ANKS1A: variants seen among roughly 807,000 people sequenced by gnomAD.
ANKS1A encodes the protein ankyrin repeat and SAM domain-containing protein 1A.
Under a neutral mutation model 120.3 loss-of-function variants are expected in ANKS1A, and 55 were observed. The observed-to-expected ratio is 0.46, with a 90% confidence interval of 0.37 to 0.57. ANKS1A has a LOEUF of 0.57. Among genes scored for constraint, ANKS1A ranks in the 20% least tolerant of loss-of-function variants. The pLI is 0.00. For missense variants in ANKS1A, 1,123 were observed against 1,480.3 expected (o/e 0.76, Z 3.96); for synonymous variants, 590 against 604.7 (o/e 0.98, Z 0.36).
chr6:35,038,527 G>A (rs1775295284), intron 11 of ANKS1A, among the ~76,000 whole-genome samples: 1 of 152,018 alleles, frequency 6.6e-6, no homozygotes, highest in Non-Finnish European at 1.5e-5. Flanking sequence ...TGTTGCCCAG[G>A]CTGGAGTGCA....
intron 1 of ANKS1A, among the ~76,000 whole-genome samples, chr6:34,943,093 A>G (rs1361505114): frequency 1.3e-5 from 2 of 151,992 alleles, no homozygotes; most frequent in Non-Finnish European, 2.9e-5. Context: ...TCGGCCTCCC[A>G]AGTAGCTAGG....
At position 35,079,885 on chromosome 6, in the gene ANKS1A, A is replaced by C; in HGVS notation, c.2501A>C (p.Tyr834Ser). 6.4e-7 allele frequency: 1 copy of C among 1,562,732 alleles called. No homozygotes were observed. Among genetic ancestry groups the C allele is most frequent in the Non-Finnish European group, 8.7e-7 (1 of 1,153,336 alleles). The part of the protein sequence containing the change: ...RIIASLADRP[Y>S]EEPPQKPPRF... ...ATCGCCTCCCTCGCAGACAGACCGT[A>C]CGAGGAGCCGCCCCAGAAGCCCCCC... is the stretch of plus-strand genomic sequence containing the variant. Residue 834 changes from tyrosine to serine, a missense_variant, in exon 16 of 24, where the codon TAC (tyrosine) becomes TCC (serine). Physicochemically the swap from Tyr to Ser is moderately radical, Grantham distance 144. Transcript: ENST00000360359.
chr6:34,989,341 C>T (rs1266228330), intron 9 of ANKS1A, 25 bp downstream of exon 9: 6 of 1,599,746 alleles, frequency 3.8e-6, no homozygotes, highest in Admixed American at 3.5e-5. Flanking sequence ...GTTTATTCCC[C>T]ATTGCTGAAA....
intron 8 of ANKS1A, among the ~76,000 whole-genome samples, chr6:34,986,135 A>G (rs1483557714): frequency 6.6e-6 from 1 of 152,246 alleles, no homozygotes; most frequent in Non-Finnish European, 1.5e-5. Context: ...AGCTTATGTA[A>G]TTTATTGAAT....
chr6:35,076,354 G>T (rs551181673), intron 13 of ANKS1A, among the ~76,000 whole-genome samples: 22 of 152,312 alleles, frequency 1.4e-4, no homozygotes, highest in African/African-American at 5.3e-4. Flanking sequence ...AGAGCTTGCA[G>T]TGAGCTGAGA....
intron 1 of ANKS1A, among the ~76,000 whole-genome samples, chr6:34,911,304 C>T (rs997850839): frequency 3.3e-5 from 5 of 151,948 alleles, no homozygotes; most frequent in African/African-American, 9.7e-5. Context: ...ATTTATTTAC[C>T]GACATGTGTG....
Position 35,088,790 on chromosome 6 carries a change from G to A in ANKS1A, c.*181G>A. On this transcript the variant is annotated 3_prime_UTR_variant, in exon 24 of 24. Coordinates refer to ENST00000360359, the MANE Select transcript of ANKS1A (RefSeq NM_015245.3). Reference sequence around the variant, plus strand: ...CACCACGTCCTGCAGAACGAGCCCTGCCTTGGCTGTGGAGAAGCACTCCAG... The same window carrying A: ...CACCACGTCCTGCAGAACGAGCCCTACCTTGGCTGTGGAGAAGCACTCCAG... 1 of 1,518,170 alleles carries A rather than the reference G, an allele frequency of 6.6e-7. No homozygotes were observed. The allele number at this position is 1,518,170 out of a possible 1,614,324, so 94.0% of individuals were successfully genotyped here. A position where few individuals can be genotyped will look rare whatever the true frequency, so the allele number is the denominator to read the frequency against.
In ANKS1A at chr6:35,078,550, G is replaced by T; in HGVS notation, c.2185-8G>T. 2 of 1,611,080 alleles carry T rather than the reference G, an allele frequency of 1.2e-6. No homozygotes were observed. The highest frequency in any genetic ancestry group is 8.5e-7 in the Non-Finnish European group (1 of 1,179,796). ...GAGGGGCCCTGACATCCACCTTTCT[G>T]CTCTCAGGGGTCTAATGTGATGGAA... On this transcript the variant is annotated splice_region_variant and splice_polypyrimidine_tract_variant and intron_variant, in intron 13 of 23. Transcript: ENST00000360359.
chr6:35,084,569 T>C lies in ANKS1A; in HGVS notation c.3132+311T>C, dbSNP rs1054192434. Among the ~76,000 whole-genome samples the C allele has an allele frequency of 2.0e-5, 3 of 150,756 alleles. No individual in the cohort carries two copies. Among genetic ancestry groups the C allele is most frequent in the African/African-American group, 7.3e-5 (3 of 40,984 alleles). On this transcript the variant is annotated intron_variant, in intron 21 of 23. Coordinates refer to ENST00000360359, the MANE Select transcript of ANKS1A (RefSeq NM_015245.3). This position sits in a 1 kb window ranked among gnomAD's most constrained non-coding sequence, Gnocchi z 4.8. ...CCTTGCACTCCTGGGTTCAGGCAAG[T>C]TACCCACCTCAGCCTCCCACGTAAC...
In ANKS1A at chr6:35,088,997, T is replaced by C; in HGVS notation, c.*388T>C. On this transcript the variant is annotated 3_prime_UTR_variant, in exon 24 of 24. Transcript: ENST00000360359. The stretch of plus-strand genomic sequence containing the variant: ...GGGGCAGAGGACAGGGGAGCTGAGG[T>C]TGGTTCAGAGGCCAGCCTGCATAGC... 3.4e-6 allele frequency: 4 copies of C among 1,176,058 alleles called. No homozygotes were observed. In the South Asian group the frequency reaches 8.2e-5, roughly 24 times the overall value. The allele number at this position is 1,176,058 out of a possible 1,614,324, so 72.9% of individuals were successfully genotyped here. A position where few individuals can be genotyped will look rare whatever the true frequency, so the allele number is the denominator to read the frequency against.
chr6:34,889,276 A>G lies in ANKS1A; in HGVS notation c.-127A>G. 8.4e-7 allele frequency: 1 copy of G among 1,186,406 alleles called. No individual in the cohort carries two copies. The highest frequency in any genetic ancestry group is 1.1e-6 in the Non-Finnish European group (1 of 951,200). 73.5% of individuals were successfully genotyped at this position (1,186,406 alleles called of 1,614,324 possible). ...CGGAAGTGACGCGCTCGTGGGGAAAAGGCAGGGAGGGGGTGGTGTCCCCAG... is the reference window on the plus strand; with the variant it reads ...CGGAAGTGACGCGCTCGTGGGGAAAGGGCAGGGAGGGGGTGGTGTCCCCAG... On this transcript the variant is annotated 5_prime_UTR_variant, in exon 1 of 24. Transcript: ENST00000360359. The surrounding 1 kb of genome is among the most constrained non-coding windows in gnomAD (Gnocchi z 5.5).
chr6:35,085,723 G>A lies in ANKS1A; in HGVS notation c.3133-43G>A, dbSNP rs1239029828. 10 of 1,537,866 alleles carry A rather than the reference G, an allele frequency of 6.5e-6. No homozygotes were observed. The highest frequency in any genetic ancestry group is 8.8e-6 in the Non-Finnish European group (10 of 1,142,662). On this transcript the variant is annotated intron_variant, in intron 21 of 23. Coordinates refer to ENST00000360359, the MANE Select transcript of ANKS1A (RefSeq NM_015245.3). The surrounding 1 kb of genome is among the most constrained non-coding windows in gnomAD (Gnocchi z 4.7). ...GGAAGGGCATATCCAGTGTGAAGCG[G>A]CTCCTGAACCAGGTGCTTAAGTGGT...
At chr6:35,081,241 C>T in intron 17 of ANKS1A, 83 bp downstream of exon 17, 2 of 1,454,328 alleles carry the variant, frequency 1.4e-6, no homozygotes, top group Non-Finnish European at 1.8e-6. Flanking sequence ...CACCTGCTGC[C>T]CCATACTTGA....
In ANKS1A at chr6:35,000,424, TAGAC is replaced by T. The variant is rs1273601198; in HGVS notation, c.1423+6005_1423+6008del. 4.6e-5 allele frequency among the ~76,000 whole-genome samples: 7 copies of T among 151,762 alleles called. No individual in the cohort carries two copies. The South Asian group carries it at 6.2e-4, about 14-fold the overall frequency. Reference sequence around the variant, plus strand: ...ATAGTAACTTCTAATCTTGTGGCCTTAGACAGTCTAGTCCACAGACGTAAAGAAA... The same window carrying T: ...ATAGTAACTTCTAATCTTGTGGCCTTAGTCTAGTCCACAGACGTAAAGAAA... On this transcript the variant is annotated intron_variant, in intron 10 of 23. Coordinates refer to ENST00000360359, the MANE Select transcript of ANKS1A (RefSeq NM_015245.3).
At chr6:34,917,218 A>G (rs1021472397) in intron 1 of ANKS1A, among the ~76,000 whole-genome samples, 6 of 152,226 alleles carry the variant, frequency 3.9e-5, no homozygotes, top group Admixed American at 6.5e-5. Flanking sequence ...AGCCAGCCCC[A>G]GCAGCCTGCT....
chr6:35,002,429 AC>A (rs1773223403), intron 10 of ANKS1A, among the ~76,000 whole-genome samples: 1 of 152,178 alleles, frequency 6.6e-6, no homozygotes, highest in Non-Finnish European at 1.5e-5. Context: ...TAAAATTTGG[AC>A]TTATACAGTA....
chr6:34,951,777 A>G (rs1029702077), intron 1 of ANKS1A, among the ~76,000 whole-genome samples: 2 of 152,202 alleles, frequency 1.3e-5, no homozygotes, highest in Admixed American at 1.3e-4. Flanking sequence ...TAAGTAACAG[A>G]CTTTGTCAGC....
chr6:35,088,392 G>T (rs143916073), intron 23 of ANKS1A, among the ~76,000 whole-genome samples: 2 of 152,152 alleles, frequency 1.3e-5, no homozygotes, highest in East Asian at 3.9e-4. Flanking sequence ...TGGGTCCTGC[G>T]TACCCACCCA....
At chr6:35,003,771 A>T (rs1207589294) in intron 10 of ANKS1A, among the ~76,000 whole-genome samples, 1 of 152,220 alleles carries the variant, frequency 6.6e-6, no homozygotes, top group East Asian at 1.9e-4. Context: ...AAGTGGCGAA[A>T]ATAAGAGTGA....
Sources: gnomAD v4.1 joint callset for allele counts (sites outside exome capture counted in the v4.1 genomes callset) on GRCh38, gnomAD v4.1.1 for gene constraint, Gnocchi (gnomAD v3.1) non-coding constraint, MANE v1.5 for transcripts, NCBI Gene and HGNC (gene_info 2026-07-23, HGNC 2026-07-21) for gene names.